Variants in LNX1 observed in about 807,000 individuals in gnomAD.
LNX1 encodes the protein ligand of numb-protein X 1.
In LNX1, 54 loss-of-function variants were observed where a neutral mutation model predicts 68.4. The ratio of observed to expected loss-of-function variants is 0.79; its 90% confidence interval spans 0.63 to 0.99. The LOEUF is 0.99. Ranked by LOEUF, LNX1 falls within the 50% of genes least tolerant of loss-of-function variation. The pLI is 0.00. For missense variants in LNX1, 906 were observed against 926.4 expected (o/e 0.98, Z 0.29); for synonymous variants, 336 against 350.0 (o/e 0.96, Z 0.45).
At chr4:53,515,450 C>G (rs1160105665) in intron 2 of LNX1, among the ~76,000 whole-genome samples, 1 of 152,128 alleles carries the variant, frequency 6.6e-6, no homozygotes, top group Non-Finnish European at 1.5e-5. Context: ...GCTAGTCTCT[C>G]CTTTCTCCTA....
chr4:53,555,537 T>A (rs1310886754), intron 2 of LNX1, among the ~76,000 whole-genome samples: 1 of 152,220 alleles, frequency 6.6e-6, no homozygotes, highest in East Asian at 1.9e-4. Context: ...CTCTTATGTG[T>A]ATAAATTTCA....
intron 2 of LNX1, among the ~76,000 whole-genome samples, chr4:53,560,998 T>TAAGGA (rs1169129745): frequency 3.9e-5 from 6 of 152,216 alleles, no homozygotes; most frequent in Admixed American, 6.5e-5. Flanking sequence ...GCTGTCCTGT[T>TAAGGA]TATCCTTAAA....
chr4:53,520,062 C>T (rs935337523), intron 2 of LNX1, among the ~76,000 whole-genome samples: 5 of 152,174 alleles, frequency 3.3e-5, no homozygotes, highest in African/African-American at 4.8e-5. Context: ...TCTGTCCCCA[C>T]GTTTAGTAGA....
At chr4:53,566,278 C>CA (rs1730683407) in intron 2 of LNX1, among the ~76,000 whole-genome samples, 1 of 151,304 alleles carries the variant, frequency 6.6e-6, no homozygotes, top group African/African-American at 2.4e-5. Context: ...AAGGGAAGCC[C>CA]ATCAGACTAA....
intron 2 of LNX1, among the ~76,000 whole-genome samples, chr4:53,553,328 G>A (rs534830900): frequency 9.9e-5 from 15 of 152,254 alleles, no homozygotes; most frequent in African/African-American, 3.6e-4. Flanking sequence ...AAAATGGGGT[G>A]GCCTCATGAG....
upstream of LNX1, among the ~76,000 whole-genome samples, chr4:53,620,013 T>G (rs1285082343): frequency 6.6e-6 from 1 of 152,246 alleles, no homozygotes; most frequent in African/African-American, 2.4e-5. Context: ...ATTTAAAAGA[T>G]TAAGGGTTAA....
chr4:53,584,163 G>GTTGTTGTT (rs1560681200), intron 1 of LNX1, among the ~76,000 whole-genome samples: 1 of 151,796 alleles, frequency 6.6e-6, no homozygotes, highest in Non-Finnish European at 1.5e-5. Context: ...TGTTGTTGTT[G>GTTGTTGTT]TTTTTTTTAA....
rs1470330243 is a variant in LNX1 at position 53,489,855 on chromosome 4, A to G, written c.1350+6168T>C. Among the ~76,000 whole-genome samples the G allele has an allele frequency of 2.0e-5, 3 of 152,208 alleles. No individual in the cohort carries two copies. The East Asian group carries it at 5.8e-4, about 29-fold the overall frequency. ...AAACCATGGTAAGACAATTTATTTA[A>G]GTAGGGATTTAATTCCAGATTAAGT... is the stretch of plus-strand genomic sequence containing the variant. On this transcript the variant is annotated intron_variant, in intron 6 of 10. Coordinates refer to ENST00000263925, the MANE Select transcript of LNX1 (RefSeq NM_001126328.3).
chr4:53,575,619 C>A, intron 1 of LNX1: 2 of 1,309,826 alleles, frequency 1.5e-6, no homozygotes, highest in East Asian at 2.8e-5. Context: ...GGACCAGGCC[C>A]GCTTTTGGCT....
At chr4:53,471,629 TCAAA>T (rs1723190956) in intron 9 of LNX1, among the ~76,000 whole-genome samples, 1 of 151,542 alleles carries the variant, frequency 6.6e-6, no homozygotes, top group South Asian at 2.1e-4. Flanking sequence ...TACAATGAAC[TCAAA>T]CAAGTTTACA....
At position 53,478,601 on chromosome 4, in the gene LNX1, C is replaced by T. The variant is rs376500430; in HGVS notation, c.1627G>A (p.Gly543Arg). Residue 543 changes from glycine to arginine, a missense_variant, in exon 8 of 11, where the codon GGA becomes AGA. Coordinates refer to ENST00000263925, the MANE Select transcript of LNX1 (RefSeq NM_001126328.3). ...LPIYVISVEP[G>R]GVISRDGRIK... Reference sequence around the variant, plus strand: ...CTTCCATCTCTGCTTATGACTCCTCCGGGCTCAACACTGATGACATAGATA... The same window carrying T: ...CTTCCATCTCTGCTTATGACTCCTCTGGGCTCAACACTGATGACATAGATA... 1,764 of 1,613,622 alleles carry T rather than the reference C, an allele frequency of 1.1e-3. 19 individuals are homozygous for T. The South Asian group carries it at 0.016, about 15-fold the overall frequency.
intron 9 of LNX1, among the ~76,000 whole-genome samples, chr4:53,462,130 G>A (rs770652814): frequency 4.6e-5 from 7 of 152,106 alleles, no homozygotes; most frequent in Admixed American, 2.0e-4. Flanking sequence ...AAGCATGCAC[G>A]CATAAAGTGA....
rs2109785373 is a variant in LNX1 at position 53,575,785 on chromosome 4, T to C, written c.-86-1697A>G. On this transcript the variant is annotated intron_variant, in intron 1 of 10. Coordinates refer to ENST00000263925, the MANE Select transcript of LNX1 (RefSeq NM_001126328.3). ...TAGTCACAGTGGCCGAGTGAGTTTC[T>C]TGGGGGCCCAGCTTCCTCCAGAGGT... 11 of 1,572,612 alleles carry C rather than the reference T, an allele frequency of 7.0e-6. No individual in the cohort carries two copies. In the South Asian group the frequency reaches 1.1e-4, roughly 15 times the overall value.
At chr4:53,505,044 G>A (rs1449753100) in intron 4 of LNX1, among the ~76,000 whole-genome samples, 2 of 152,116 alleles carry the variant, frequency 1.3e-5, no homozygotes, top group African/African-American at 4.8e-5. Flanking sequence ...AAACAGACTT[G>A]TTGGCTACAG....
intron 2 of LNX1, chr4:53,602,852 C>A (rs1375678386): frequency 6.6e-6 from 1 of 152,124 alleles, no homozygotes; most frequent in African/African-American, 2.4e-5. Flanking sequence ...CCAAATATAC[C>A]TGAAAGCATA....
chr4:53,516,245 C>T (rs1282529952), intron 2 of LNX1, among the ~76,000 whole-genome samples: 1 of 152,020 alleles, frequency 6.6e-6, no homozygotes, highest in Non-Finnish European at 1.5e-5. Flanking sequence ...CTATCTATCT[C>T]TTTTAAAAAA....
intron 1 of LNX1, among the ~76,000 whole-genome samples, chr4:53,648,308 G>T (rs980444851): frequency 6.6e-6 from 1 of 152,140 alleles, no homozygotes; most frequent in African/African-American, 2.4e-5. Flanking sequence ...CCATGCTAAT[G>T]GGTGGGAGGT....
In LNX1 at chr4:53,591,448, G is replaced by A. The variant is rs1434130272; in HGVS notation, c.-147C>T. On this transcript the variant is annotated 5_prime_UTR_variant, in exon 1 of 11. Transcript: ENST00000263925. ...AGCAGGCAGGCAGCTCTCATTCCTT[G>A]TGGGTGAACCGAGCAGCTCCTTGGG... 4.1e-6 allele frequency: 4 copies of A among 985,776 alleles called. No individual in the cohort carries two copies. The highest frequency in any genetic ancestry group is 4.8e-6 in the Non-Finnish European group (4 of 830,240). 61.1% of individuals were successfully genotyped at this position (985,776 alleles called of 1,614,324 possible).
At chr4:53,651,900 G>C (rs1315771898) in intron 1 of LNX1, among the ~76,000 whole-genome samples, 1 of 152,110 alleles carries the variant, frequency 6.6e-6, no homozygotes, top group African/African-American at 2.4e-5. Context: ...TTTAATGAAG[G>C]CCACTGCAGA....
Sources: allele counts gnomAD v4.1 joint callset (sites outside exome capture counted in the v4.1 genomes callset), GRCh38; gene constraint gnomAD v4.1.1; transcripts MANE v1.5; gene names NCBI Gene and HGNC (gene_info 2026-07-23, HGNC 2026-07-21).